PODXL: variants seen among roughly 807,000 people sequenced by gnomAD.
PODXL encodes podocalyxin.
Under a neutral mutation model 48.9 loss-of-function variants are expected in PODXL, and 20 were observed. The ratio of observed to expected loss-of-function variants is 0.41; its 90% confidence interval spans 0.29 to 0.59. The LOEUF is 0.59. Ranked by LOEUF, PODXL falls within the 20% of genes least tolerant of loss-of-function variation. The probability of loss-of-function intolerance (pLI) is 0.31; values close to 1 mark genes in which losing one functional copy is unlikely to be tolerated. For missense variants in PODXL, 606 were observed against 675.1 expected, an observed-to-expected ratio of 0.90 and a Z score of 1.13; for synonymous variants, 295 against 287.4, an observed-to-expected ratio of 1.03 and a Z score of -0.27.
chr7:131,525,313 G>A (rs368144657), intron 1 of PODXL, among the ~76,000 whole-genome samples: 37 of 151,614 alleles, frequency 2.4e-4, no homozygotes, highest in Admixed American at 1.6e-3. Flanking sequence ...ACATGGCCAG[G>A]CGCACTGGTT....
At chr7:131,507,459 GC>G (rs1797828651) in intron 5 of PODXL, among the ~76,000 whole-genome samples, 1 of 152,142 alleles carries the variant, frequency 6.6e-6, no homozygotes. Flanking sequence ...GTCCTGCCAT[GC>G]CATCTAGGGG....
chr7:131,547,763 G>A (rs1303413895), intron 1 of PODXL, among the ~76,000 whole-genome samples: 1 of 152,190 alleles, frequency 6.6e-6, no homozygotes, highest in East Asian at 1.9e-4. Context: ...TTCCTCTCCA[G>A]GTATGCACCC....
Position 131,556,516 on chromosome 7 carries a change from T to A in PODXL, c.-157A>T. Reference sequence around the variant, plus strand: ...GGCTCCCGAGTCGCGCTGCGGCGGCTCTTCCTCCCTGCCGCTGCAGCAGAG... The same window carrying A: ...GGCTCCCGAGTCGCGCTGCGGCGGCACTTCCTCCCTGCCGCTGCAGCAGAG... On this transcript the variant is annotated 5_prime_UTR_variant, in exon 1 of 9. Coordinates refer to ENST00000378555, the MANE Select transcript of PODXL (RefSeq NM_001018111.3). 1.2e-6 allele frequency: 1 copy of A among 854,330 alleles called. No individual in the cohort carries two copies. Among genetic ancestry groups the A allele is most frequent in the Non-Finnish European group, 1.6e-6 (1 of 643,182 alleles). The allele number at this position is 854,330 out of a possible 1,614,324, so 52.9% of individuals were successfully genotyped here.
rs1337424587 is a variant in PODXL at position 131,509,302 on chromosome 7, G to A, written c.1023+63C>T. On this transcript the variant is annotated intron_variant, in intron 4 of 8. Coordinates refer to ENST00000378555, the MANE Select transcript of PODXL (RefSeq NM_001018111.3). ...GTTGGAGGAAAGAACAGAAAACCTT[G>A]TCTTAAAGCCTCTTCTACCCGAGTC... 5.3e-6 allele frequency: 7 copies of A among 1,314,596 alleles called. No homozygotes were observed. In the East Asian group the frequency reaches 1.6e-4, roughly 30 times the overall value. 81.4% of individuals were successfully genotyped at this position (1,314,596 alleles called of 1,614,324 possible).
At chr7:131,526,921 T>TA (rs1798197444) in intron 1 of PODXL, among the ~76,000 whole-genome samples, 1 of 151,960 alleles carries the variant, frequency 6.6e-6, no homozygotes, top group South Asian at 2.1e-4. Flanking sequence ...GTATTTTTAG[T>TA]AGAGATGGGG....
At chr7:131,512,014 T>C (rs1484086314) in intron 1 of PODXL, among the ~76,000 whole-genome samples, 1 of 152,240 alleles carries the variant, frequency 6.6e-6, no homozygotes, top group Non-Finnish European at 1.5e-5. Context: ...TAATGCTTCC[T>C]GAACTGCCCT....
chr7:131,517,632 A>C (rs990777753), intron 1 of PODXL, among the ~76,000 whole-genome samples: 1 of 152,084 alleles, frequency 6.6e-6, no homozygotes, highest in African/African-American at 2.4e-5. Context: ...CTCCGAAGAC[A>C]CCAGGGAAGA....
intron 1 of PODXL, among the ~76,000 whole-genome samples, chr7:131,544,890 A>C (rs1798547650): frequency 6.6e-6 from 1 of 152,174 alleles, no homozygotes; most frequent in Non-Finnish European, 1.5e-5. Context: ...AGACCCATGC[A>C]CTCAGCAGGC....
At chr7:131,548,307 C>A (rs1286548364) in intron 1 of PODXL, among the ~76,000 whole-genome samples, 1 of 152,238 alleles carries the variant, frequency 6.6e-6, no homozygotes, top group Non-Finnish European at 1.5e-5. Context: ...TCACCTACTC[C>A]AAATATCCAC....
chr7:131,554,632 T>C (rs2116877652), intron 1 of PODXL, among the ~76,000 whole-genome samples: 1 of 152,320 alleles, frequency 6.6e-6, no homozygotes, highest in Non-Finnish European at 1.5e-5. Context: ...TGGTGACTTA[T>C]GAACATTTCC....
At chr7:131,511,900 C>G (rs1217331924) in intron 1 of PODXL, among the ~76,000 whole-genome samples, 1 of 152,184 alleles carries the variant, frequency 6.6e-6, no homozygotes, top group Non-Finnish European at 1.5e-5. Flanking sequence ...ACACACATCC[C>G]CTTTAAGTTT....
intron 1 of PODXL, among the ~76,000 whole-genome samples, chr7:131,518,037 C>A (rs1798030487): frequency 6.6e-6 from 1 of 152,172 alleles, no homozygotes; most frequent in Non-Finnish European, 1.5e-5. Flanking sequence ...TCGGGGCCGG[C>A]CGTATATCTC....
rs947798034 is a variant in PODXL at position 131,550,351 on chromosome 7, A to G, written c.100+5909T>C. Among the ~76,000 whole-genome samples, 7 of 152,174 alleles carry G rather than the reference A, an allele frequency of 4.6e-5. No individual in the cohort carries two copies. The East Asian group carries it at 1.4e-3, about 29-fold the overall frequency. On this transcript the variant is annotated intron_variant, in intron 1 of 8. Transcript: ENST00000378555. Reference sequence around the variant, plus strand: ...CACAGTATAGGTTTGTCACCATCCTAAAGTCCTTTTTAAAGAGGTTTTTCG... The same window carrying G: ...CACAGTATAGGTTTGTCACCATCCTGAAGTCCTTTTTAAAGAGGTTTTTCG...
chr7:131,554,205 C>A (rs1180449992), intron 1 of PODXL, among the ~76,000 whole-genome samples: 1 of 152,076 alleles, frequency 6.6e-6, no homozygotes, highest in Non-Finnish European at 1.5e-5. Flanking sequence ...TTACTGAGTC[C>A]CTAGAGGGTG....
intron 1 of PODXL, among the ~76,000 whole-genome samples, chr7:131,531,732 G>C (rs1043462301): frequency 1.3e-5 from 2 of 152,128 alleles, no homozygotes; most frequent in African/African-American, 2.4e-5. Flanking sequence ...ATTGGATTTA[G>C]GGCCCACCCA....
Position 131,510,812 on chromosome 7 carries a change from A to G in PODXL, c.706+16T>C. 1 of 1,613,954 alleles carries G rather than the reference A, an allele frequency of 6.2e-7. No homozygotes were observed. The highest frequency in any genetic ancestry group is 8.5e-7 in the Non-Finnish European group (1 of 1,179,954). ...AAAAGTTTCTTGGTGCTTGAAGAAA[A>G]CCAGGCATTACTTACGTAGGGTGGT... On this transcript the variant is annotated intron_variant, in intron 2 of 8. Coordinates refer to ENST00000378555, the MANE Select transcript of PODXL (RefSeq NM_001018111.3).
At chr7:131,510,786 G>T in intron 2 of PODXL, 42 bp downstream of exon 2, 1 of 1,612,992 alleles carries the variant, frequency 6.2e-7, no homozygotes, top group South Asian at 1.1e-5. Context: ...GCCTGGCCCT[G>T]AAAAGTTTCT....
chr7:131,548,466 T>C (rs1798617797), intron 1 of PODXL, among the ~76,000 whole-genome samples: 1 of 152,230 alleles, frequency 6.6e-6, no homozygotes, highest in South Asian at 2.1e-4. Context: ...AAAATGTGAC[T>C]AGAAGTGTCA....
At chr7:131,552,021 C>T (rs1438935675) in intron 1 of PODXL, among the ~76,000 whole-genome samples, 2 of 152,180 alleles carry the variant, frequency 1.3e-5, no homozygotes, top group Non-Finnish European at 2.9e-5. Context: ...GGTCACCAGC[C>T]CCACAGAAGC....
Sources: allele counts gnomAD v4.1 joint callset (sites outside exome capture counted in the v4.1 genomes callset), GRCh38; gene constraint gnomAD v4.1.1; transcripts MANE v1.5; gene names NCBI Gene and HGNC (gene_info 2026-07-23, HGNC 2026-07-21).